The following PNKD variants were observed in gnomAD, a reference collection of about 807,000 sequenced individuals.
PNKD encodes the protein probable thioesterase PNKD.
Under a neutral mutation model 45.3 loss-of-function variants are expected in PNKD, and 36 were observed. The ratio of observed to expected loss-of-function variants is 0.80; its 90% CI spans 0.61 to 1.05. The LOEUF is 1.05. Among genes scored for constraint, PNKD ranks in the 50% least tolerant of loss-of-function variants. The probability of loss-of-function intolerance (pLI) is 0.00; values close to 1 mark genes in which losing one functional copy is unlikely to be tolerated. For missense variants in PNKD, 511 were observed against 506.6 expected, an observed-to-expected ratio of 1.01 and a Z score of -0.08; for synonymous variants, 197 against 210.1, an observed-to-expected ratio of 0.94 and a Z score of 0.54.
rs1444921004 is a variant in PNKD, at chr2:218,312,517, G to C, written c.237-27266G>C. On this transcript the variant is annotated intron_variant, in intron 2 of 9. Transcript: ENST00000273077. Reference sequence around the variant, plus strand: ...GGGGTTAACAAGGAAAAAAGGGAGGGGTGAAGAATGGATATTGACCAACAG... The same window carrying C: ...GGGGTTAACAAGGAAAAAAGGGAGGCGTGAAGAATGGATATTGACCAACAG... Among the ~76,000 whole-genome samples the C allele has an allele frequency of 2.6e-5, 4 of 151,484 alleles. No individual in the cohort carries two copies. The East Asian group carries it at 7.7e-4, about 29-fold the overall frequency.
intron 2 of PNKD, among the ~76,000 whole-genome samples, chr2:218,312,842 C>T (rs1300840812): frequency 6.6e-6 from 1 of 151,940 alleles, no homozygotes; most frequent in South Asian, 2.1e-4. Context: ...CACTGCACTC[C>T]AGCCCGGGTG....
intron 2 of PNKD, among the ~76,000 whole-genome samples, chr2:218,295,518 G>A (rs1693120568): frequency 6.6e-6 from 1 of 152,192 alleles, no homozygotes; most frequent in Admixed American, 6.5e-5. Flanking sequence ...TAGAGTGTTA[G>A]GAGGTGTTAG....
chr2:218,314,931 C>T (rs1289191025), intron 2 of PNKD, among the ~76,000 whole-genome samples: 1 of 114,482 alleles, frequency 8.7e-6, no homozygotes, highest in Non-Finnish European at 2.2e-5. Flanking sequence ...CTCAAGTGAT[C>T]CACCTGCTTC....
At chr2:218,323,547 C>A in intron 2 of PNKD, 1 of 1,022,420 alleles carries the variant, frequency 9.8e-7, no homozygotes, top group Non-Finnish European at 1.3e-6. Flanking sequence ...GGGGCTTGGT[C>A]TAAGGGAAGA....
intron 2 of PNKD, chr2:218,286,517 A>G (rs1168365703): frequency 2.0e-5 from 3 of 152,226 alleles, no homozygotes; most frequent in Non-Finnish European, 4.4e-5. Context: ...CCCCATTAGG[A>G]AGGAACCAGA....
chr2:218,332,357 G>GC (rs1694352315), intron 2 of PNKD, among the ~76,000 whole-genome samples: 1 of 152,166 alleles, frequency 6.6e-6, no homozygotes, highest in African/African-American at 2.4e-5. Context: ...AGGACAGGGG[G>GC]CCTTTCCCAG....
At chr2:218,271,578 A>G in intron 2 of PNKD, 29 bp downstream of exon 2, 1 of 1,600,692 alleles carries the variant, frequency 6.2e-7, no homozygotes, top group Non-Finnish European at 8.6e-7. Flanking sequence ...TTTGCCCACC[A>G]ACGGGGCGTG....
At chr2:218,338,460 CAAAA>C (rs200743728) in intron 2 of PNKD, among the ~76,000 whole-genome samples, 1 of 100,762 alleles carries the variant, frequency 9.9e-6, no homozygotes. Flanking sequence ...GACTCTGTCT[CAAAA>C]AAAAAAAAAA....
Position 218,343,483 on chromosome 2 carries a change from C to T in PNKD, c.782-17C>T. The T allele has an allele frequency of 6.2e-7, 1 of 1,605,590 alleles. No individual in the cohort carries two copies. The highest frequency in any genetic ancestry group is 8.5e-7 in the Non-Finnish European group (1 of 1,173,550). ...TTATCCTGGCACCTTGTGACATACC[C>T]TCCAACCCCCACCCAGGGCGGACCT... On this transcript the variant is annotated splice_polypyrimidine_tract_variant and intron_variant, in intron 7 of 9. Transcript: ENST00000273077.
Position 218,340,178 on chromosome 2 carries a change from C to A in PNKD, c.465+37C>A. 1 of 1,335,712 alleles carries A rather than the reference C, an allele frequency of 7.5e-7. No homozygotes were observed. Among genetic ancestry groups the A allele is most frequent in the Non-Finnish European group, 1.1e-6 (1 of 929,510 alleles). The allele number at this position is 1,335,712 out of a possible 1,614,324, so 82.7% of individuals were successfully genotyped here. On this transcript the variant is annotated intron_variant, in intron 4 of 9. Coordinates refer to ENST00000273077, the MANE Select transcript of PNKD (RefSeq NM_015488.5). The surrounding 1 kb of genome is among the most constrained non-coding windows in gnomAD (Gnocchi z 4.2). The stretch of plus-strand genomic sequence containing the variant: ...GCAGGGAGCAGGGGGTGCCTGGAGT[C>A]ACCTTGGGGACTGGCAGTTTCGCCT...
intron 2 of PNKD, among the ~76,000 whole-genome samples, chr2:218,289,101 G>A (rs1056968042): frequency 9.2e-5 from 14 of 152,230 alleles, no homozygotes; most frequent in African/African-American, 3.1e-4. Context: ...TCTGTAGCAC[G>A]CACCTGCGTG....
At position 218,277,801 on chromosome 2, in the gene PNKD, A is replaced by G. The variant is rs1574630085; in HGVS notation, c.236+6252A>G. The G allele has an allele frequency of 3.3e-6, 5 of 1,537,498 alleles. No individual in the cohort carries two copies. The East Asian group carries it at 9.1e-5, about 28-fold the overall frequency. On this transcript the variant is annotated intron_variant, in intron 2 of 9. Transcript: ENST00000273077. ...AGTTGGAAAGAGGCAGCCACAGAGG[A>G]GATCAGAACAGGCGGCCCAGATAAG...
rs1477892612 is a variant in PNKD, at chr2:218,326,199, G to C, written c.237-13584G>C. On this transcript the variant is annotated intron_variant, in intron 2 of 9. Transcript: ENST00000273077. This position sits in a 1 kb window ranked among gnomAD's most constrained non-coding sequence, Gnocchi z 4.1. ...GGAAAGGCAATGATGGAAACACCAG[G>C]CTCACCGGGAGGAGAGCTGTTGACC... Among the ~76,000 whole-genome samples, 1 of 152,158 alleles carries C rather than the reference G, an allele frequency of 6.6e-6. No individual in the cohort carries two copies. The highest frequency in any genetic ancestry group is 2.4e-5 in the African/African-American group (1 of 41,416).
At chr2:218,308,895 C>A (rs1470158753) in intron 2 of PNKD, among the ~76,000 whole-genome samples, 3 of 151,900 alleles carry the variant, frequency 2.0e-5, no homozygotes, top group South Asian at 4.2e-4. Context: ...TCCTCCACTT[C>A]TTTCCTTCCT....
chr2:218,276,041 G>A, intron 2 of PNKD: 3 of 1,612,800 alleles, frequency 1.9e-6, no homozygotes, highest in Non-Finnish European at 2.5e-6. Context: ...TGAAACAAAT[G>A]GCCCCCAGAG....
intron 7 of PNKD, among the ~76,000 whole-genome samples, chr2:218,342,761 T>C (rs1189491001): frequency 6.6e-6 from 1 of 152,126 alleles, no homozygotes; most frequent in Non-Finnish European, 1.5e-5. Context: ...GACTCAGGCC[T>C]GTAATCCCAG....
In PNKD at chr2:218,318,950, CT is replaced by C. The variant is rs769001811; in HGVS notation, c.237-20811del. ...GCACAAATCTTTTCTTTTTTTTTTT[CT>C]TTTTTTTTTTTTTTTTTTTTTGAGA... is the stretch of plus-strand genomic sequence containing the variant. On this transcript the variant is annotated intron_variant, in intron 2 of 9. Transcript: ENST00000273077. Among the ~76,000 whole-genome samples, 69 of 99,906 alleles carry C rather than the reference CT, an allele frequency of 6.9e-4. 4 individuals are homozygous for C. The highest frequency in any genetic ancestry group is 1.4e-3 in the East Asian group (5 of 3,570). 65.5% of individuals were successfully genotyped at this position (99,906 alleles called of 152,430 possible).
rs1255965462 is a variant in PNKD, at chr2:218,344,577, G to A, written c.984+7G>A. ...GCTGGAGCGCAAGGGCACGGTGAGG[G>A]ACTCGGGGTCCAGGAGGAGCTGTGT... On this transcript the variant is annotated splice_region_variant and intron_variant, in intron 9 of 9. Coordinates refer to ENST00000273077, the MANE Select transcript of PNKD (RefSeq NM_015488.5). The A allele has an allele frequency of 1.3e-6, 2 of 1,587,878 alleles. No individual in the cohort carries two copies. The highest frequency in any genetic ancestry group is 1.7e-6 in the Non-Finnish European group (2 of 1,165,644).
chr2:218,340,639 C>G lies in PNKD; in HGVS notation c.466-89C>G, dbSNP rs1694643538. 1 of 927,364 alleles carries G rather than the reference C, an allele frequency of 1.1e-6. No homozygotes were observed. Among genetic ancestry groups the G allele is most frequent in the Non-Finnish European group, 1.8e-6 (1 of 555,106 alleles). The allele number at this position is 927,364 out of a possible 1,614,324, so 57.4% of individuals were successfully genotyped here. A position where few individuals can be genotyped will look rare whatever the true frequency, so the allele number is the denominator to read the frequency against. On this transcript the variant is annotated intron_variant, in intron 4 of 9. Coordinates refer to ENST00000273077, the MANE Select transcript of PNKD (RefSeq NM_015488.5). The surrounding 1 kb of genome is among the most constrained non-coding windows in gnomAD (Gnocchi z 4.2). ...TCATCTCTCCATGCTCTCCTCTCCTCTCCACCAGCGCCCACACTCCTGGCT... is the reference window on the plus strand; with the variant it reads ...TCATCTCTCCATGCTCTCCTCTCCTGTCCACCAGCGCCCACACTCCTGGCT...
Sources: allele counts gnomAD v4.1 joint callset (sites outside exome capture counted in the v4.1 genomes callset), GRCh38; gene constraint gnomAD v4.1.1; non-coding constraint Gnocchi (gnomAD v3.1); transcripts MANE v1.5; gene names NCBI Gene and HGNC (gene_info 2026-07-23, HGNC 2026-07-21).